The following LAMA2 variants were observed in gnomAD, a reference collection of about 807,000 sequenced individuals.
The protein encoded by LAMA2 is laminin subunit alpha 2.
A neutral mutation model predicts 364.8 loss-of-function variants in LAMA2; 269 were observed. That is an observed-to-expected ratio of 0.74 (90% CI 0.67 to 0.82). The LOEUF (loss-of-function observed/expected upper bound fraction) is 0.82. Ranked by LOEUF, LAMA2 falls within the 40% of genes least tolerant of loss-of-function variation. The pLI is 0.00. For missense variants in LAMA2, 3,807 were observed against 3,873.2 expected, an observed-to-expected ratio of 0.98 and a Z score of 0.45; for synonymous variants, 1,379 against 1,370.6, an observed-to-expected ratio of 1.01 and a Z score of -0.14.
chr6:129,022,539 A>G (rs1359762141), intron 1 of LAMA2, among the ~76,000 whole-genome samples: 1 of 152,178 alleles, frequency 6.6e-6, no homozygotes, highest in Non-Finnish European at 1.5e-5. Context: ...GCTTTTAGCC[A>G]AAAAGTTTAG....
intron 20 of LAMA2, among the ~76,000 whole-genome samples, chr6:129,293,385 C>G (rs1039677977): frequency 1.3e-5 from 2 of 152,114 alleles, no homozygotes; most frequent in African/African-American, 4.8e-5. Flanking sequence ...CTTCAGGCAA[C>G]CTTTGGGGAA....
In LAMA2 at chr6:129,514,533, G is replaced by GCCCAAAC; in HGVS notation, c.9152_9158dup (p.Ala3054LysfsTer8). 6.2e-7 allele frequency: 1 copy of GCCCAAAC among 1,614,138 alleles called. No individual in the cohort carries two copies. The highest frequency in any genetic ancestry group is 8.5e-7 in the Non-Finnish European group (1 of 1,179,990). ...GATGGGAACCAGGTGGAAGCCCAAAGCCCAAACCCAGCATCTACATCAGCT... is the reference window on the plus strand; with the variant it reads ...GATGGGAACCAGGTGGAAGCCCAAAGCCCAAACCCCAAACCCAGCATCTACATCAGCT... On this transcript the variant is annotated frameshift_variant, in exon 64 of 65. Transcript: ENST00000421865. LOFTEE classifies it high-confidence loss of function.
At chr6:129,438,964 C>T (rs1382942227) in intron 42 of LAMA2, among the ~76,000 whole-genome samples, 7 of 151,654 alleles carry the variant, frequency 4.6e-5, no homozygotes, top group African/African-American at 9.7e-5. Context: ...TCTTTTATTG[C>T]CTTTAGCCAG....
chr6:129,165,480 A>T, intron 8 of LAMA2, 96 bp from the exon 9 acceptor site: 2 of 740,936 alleles, frequency 2.7e-6, no homozygotes, highest in Admixed American at 2.1e-5. Context: ...GCTGCTCTGT[A>T]TTATTAAAAC....
chr6:129,369,320 T>G (rs1316914882), intron 33 of LAMA2, among the ~76,000 whole-genome samples: 7 of 152,206 alleles, frequency 4.6e-5, no homozygotes, highest in Non-Finnish European at 8.8e-5. Context: ...TTGTCTAATT[T>G]AGTGTCCTAT....
intron 4 of LAMA2, among the ~76,000 whole-genome samples, chr6:129,098,928 T>C (rs989512675): frequency 1.3e-5 from 2 of 152,194 alleles, no homozygotes; most frequent in Non-Finnish European, 2.9e-5. Flanking sequence ...GGAACAGTAA[T>C]GTGCAGGAAG....
chr6:128,940,294 C>G (rs746786809), intron 1 of LAMA2, among the ~76,000 whole-genome samples: 1 of 152,134 alleles, frequency 6.6e-6, no homozygotes, highest in Non-Finnish European at 1.5e-5. Flanking sequence ...CACCCAACAA[C>G]TAGATCACAT....
At chr6:129,311,453 G>C (rs1172120521) in intron 22 of LAMA2, among the ~76,000 whole-genome samples, 1 of 152,108 alleles carries the variant, frequency 6.6e-6, no homozygotes, top group Non-Finnish European at 1.5e-5. Flanking sequence ...TTGGAAGTGT[G>C]GTGGGCCGCC....
chr6:129,301,819 C>G (rs1366120274), intron 22 of LAMA2, among the ~76,000 whole-genome samples: 1 of 152,060 alleles, frequency 6.6e-6, no homozygotes, highest in African/African-American at 2.4e-5. Flanking sequence ...CCCCATGTGC[C>G]TACTGTTTTG....
chr6:129,355,250 C>T (rs1050199771), intron 32 of LAMA2, among the ~76,000 whole-genome samples: 1 of 152,102 alleles, frequency 6.6e-6, no homozygotes, highest in African/African-American at 2.4e-5. Context: ...GGAATGTTTT[C>T]TCTTCACCTT....
At chr6:129,025,762 T>C (rs1295584926) in intron 1 of LAMA2, among the ~76,000 whole-genome samples, 1 of 152,222 alleles carries the variant, frequency 6.6e-6, no homozygotes, top group Non-Finnish European at 1.5e-5. Context: ...TGGGTGCTTT[T>C]GCTCATTTAA....
chr6:129,320,132 C>T (rs1774863360), intron 27 of LAMA2, among the ~76,000 whole-genome samples: 1 of 147,146 alleles, frequency 6.8e-6, no homozygotes. Context: ...GACTCTGTCT[C>T]AAATAAATAA....
intron 44 of LAMA2, 61 bp downstream of exon 44, chr6:129,443,129 A>T: frequency 7.6e-7 from 1 of 1,322,006 alleles, no homozygotes; most frequent in East Asian, 2.3e-5. Context: ...CCTATTGCAA[A>T]AAGTTTCAGC....
At chr6:128,969,173 A>G (rs905401456) in intron 1 of LAMA2, among the ~76,000 whole-genome samples, 4 of 152,164 alleles carry the variant, frequency 2.6e-5, no homozygotes, top group Admixed American at 2.6e-4. Context: ...GGGTTAATAT[A>G]ACAGGAGGGA....
intron 20 of LAMA2, among the ~76,000 whole-genome samples, chr6:129,293,380 G>A (rs1789852723): frequency 6.6e-6 from 1 of 152,160 alleles, no homozygotes; most frequent in Admixed American, 6.5e-5. Context: ...AGAGACTTCA[G>A]GCAACCTTTG....
At chr6:128,931,389 A>AT (rs775610142) in intron 1 of LAMA2, among the ~76,000 whole-genome samples, 205 of 152,344 alleles carry the variant, frequency 1.3e-3, no homozygotes, top group Non-Finnish European at 2.4e-3. Context: ...CATAATGCCT[A>AT]GCAAATATCT....
intron 1 of LAMA2, among the ~76,000 whole-genome samples, chr6:129,007,918 G>A (rs1475369787): frequency 4.6e-5 from 7 of 152,140 alleles, no homozygotes; most frequent in Non-Finnish European, 7.4e-5. Context: ...CATGCAACCT[G>A]CTATGGTATG....
At chr6:129,060,040 A>G (rs1788788896) in intron 3 of LAMA2, 144 bp downstream of exon 3, 3 of 673,756 alleles carry the variant, frequency 4.5e-6, no homozygotes, top group South Asian at 3.3e-5. Context: ...AAAGGGTCCT[A>G]TTCATATAGC....
At chr6:129,217,325 ATGTCTATTAGATG>A (rs920290108) in intron 12 of LAMA2, among the ~76,000 whole-genome samples, 1 of 152,188 alleles carries the variant, frequency 6.6e-6, no homozygotes, top group Non-Finnish European at 1.5e-5. Flanking sequence ...TAATCAGTCT[ATGTCTATTAGATG>A]TGTAATTATA....
Sources: gnomAD v4.1 joint callset for allele counts (sites outside exome capture counted in the v4.1 genomes callset) on GRCh38, gnomAD v4.1.1 for gene constraint, MANE v1.5 for transcripts, NCBI Gene and HGNC (gene_info 2026-07-23, HGNC 2026-07-21) for gene names.